The following OVCH1 variants were observed in gnomAD, a reference collection of about 807,000 sequenced individuals.
The protein encoded by OVCH1 is ovochymase 1.
OVCH1 carries 139 observed loss-of-function variants against 138.4 expected under a neutral mutation model. That is an observed-to-expected ratio of 1.00 (90% CI 0.87 to 1.16). The LOEUF is 1.16. OVCH1 is among the 50% of genes most tolerant of loss of function. The pLI is 0.00. For missense variants in OVCH1, 1,367 were observed against 1,357.9 expected (o/e 1.01, Z -0.11); for synonymous variants, 453 against 467.8 (o/e 0.97, Z 0.41).
chr12:29,457,999 A>G (rs1171547411), intron 19 of OVCH1, among the ~76,000 whole-genome samples: 2 of 152,214 alleles, frequency 1.3e-5, no homozygotes, highest in East Asian at 3.8e-4. Context: ...AAGGCAAGAT[A>G]TGGTCAGTTG....
At chr12:29,491,416 C>T (rs756051248) in intron 4 of OVCH1, among the ~76,000 whole-genome samples, 12 of 152,102 alleles carry the variant, frequency 7.9e-5, no homozygotes, top group African/African-American at 2.4e-4. Flanking sequence ...CCAATTGTTC[C>T]GCACACCACG....
intron 18 of OVCH1, 65 bp from the exon 19 acceptor site, chr12:29,462,073 A>G (rs1310379861): frequency 6.5e-7 from 1 of 1,532,330 alleles, no homozygotes; most frequent in Non-Finnish European, 8.9e-7. Flanking sequence ...TTAGAAATGT[A>G]TTTAAGTTCA....
At chr12:29,409,397 G>T (rs989412904), downstream of OVCH1, among the ~76,000 whole-genome samples, 3 of 151,974 alleles carry the variant, frequency 2.0e-5, no homozygotes, top group Admixed American at 1.3e-4. Context: ...TAATTGTGAT[G>T]TTAGGGTGTC....
chr12:29,407,982 T>A (rs1470351532), downstream of OVCH1, among the ~76,000 whole-genome samples: 1 of 142,744 alleles, frequency 7.0e-6, no homozygotes, highest in African/African-American at 2.4e-5. Flanking sequence ...TTTTATTTCC[T>A]TGAGCAGTGG....
chr12:29,485,964 AAAATAAAATAAATAAAT>A (rs1487980672), intron 8 of OVCH1, among the ~76,000 whole-genome samples: 4 of 98,806 alleles, frequency 4.0e-5, no homozygotes, highest in African/African-American at 1.2e-4. Context: ...AAAATAAAAT[AAAATAAAATAAATAAAT>A]AAATAAATAA....
intron 6 of OVCH1, 137 bp from the exon 7 acceptor site, chr12:29,488,019 C>G (rs1943162278): frequency 1.2e-6 from 1 of 810,572 alleles, no homozygotes; most frequent in Admixed American, 3.2e-5. Flanking sequence ...CGTCCATCAG[C>G]TTTTTGTTTA....
chr12:29,422,491 C>T lies in OVCH1; in HGVS notation c.*71+636G>A, dbSNP rs541015113. Among the ~76,000 whole-genome samples, 18 of 152,204 alleles carry T rather than the reference C, an allele frequency of 1.2e-4. No homozygotes were observed. In the South Asian group the frequency reaches 3.5e-3, roughly 30 times the overall value. ...ATTACACTCTAATCAAGAGGACCTC[C>T]TACTAACAAATTAATTAGGTTTTTA... On this transcript the variant is annotated intron_variant and NMD_transcript_variant, in intron 3 of 4. Transcript: ENST00000539117.
rs1555140775 is a variant in OVCH1, at chr12:29,417,789, G to GTGTC, written c.*72-5065_*72-5064insGACA. On this transcript the variant is annotated intron_variant and NMD_transcript_variant, in intron 3 of 4. Transcript: ENST00000539117. ...TGTGTGTGTGTGTGTGTGTGTGTGT[G>GTGTC]TGTGTCTGTGTCTGTGTGTGTTTTA... 2.5e-3 allele frequency among the ~76,000 whole-genome samples: 381 copies of GTGTC among 150,248 alleles called. 1 individual carries two copies. The highest frequency in any genetic ancestry group is 6.9e-3 in the Middle Eastern group (2 of 290).
intron 13 of OVCH1, among the ~76,000 whole-genome samples, chr12:29,475,605 T>C (rs770272493): frequency 1.9e-4 from 29 of 152,178 alleles, no homozygotes; most frequent in Non-Finnish European, 4.0e-4. Flanking sequence ...TGCAGAATTA[T>C]GGCATTGTGC....
downstream of OVCH1, among the ~76,000 whole-genome samples, chr12:29,424,753 A>G (rs1391096106): frequency 6.6e-6 from 1 of 152,218 alleles, no homozygotes; most frequent in Non-Finnish European, 1.5e-5. Flanking sequence ...CTATATGGCA[A>G]GTTATTCAAT....
At chr12:29,438,653 A>G (rs1941409709) in intron 26 of OVCH1, among the ~76,000 whole-genome samples, 1 of 152,188 alleles carries the variant, frequency 6.6e-6, no homozygotes, top group Non-Finnish European at 1.5e-5. Flanking sequence ...TGAATAATAA[A>G]TCTCAAATTT....
chr12:29,441,615 A>G (rs1941486762), intron 25 of OVCH1, among the ~76,000 whole-genome samples: 1 of 152,224 alleles, frequency 6.6e-6, no homozygotes. Flanking sequence ...GCCAAAATTG[A>G]CAAATGGGAT....
chr12:29,412,239 C>T (rs1370433710), downstream of OVCH1, among the ~76,000 whole-genome samples: 3 of 152,142 alleles, frequency 2.0e-5, no homozygotes, highest in Non-Finnish European at 2.9e-5. Flanking sequence ...AAAGGGAACT[C>T]CCTGACTCCT....
intron 27 of OVCH1, among the ~76,000 whole-genome samples, chr12:29,430,624 C>T (rs1211980002): frequency 1.3e-5 from 2 of 152,170 alleles, no homozygotes; most frequent in Non-Finnish European, 2.9e-5. Context: ...TCACCCAGCT[C>T]CACACAATCC....
intron 25 of OVCH1, among the ~76,000 whole-genome samples, chr12:29,439,921 A>T (rs1450601931): frequency 6.6e-6 from 1 of 152,234 alleles, no homozygotes; most frequent in Non-Finnish European, 1.5e-5. Context: ...ATAGGGCAAG[A>T]TATGGAGACT....
chr12:29,472,930 T>C, intron 15 of OVCH1, 99 bp downstream of exon 15: 1 of 1,006,508 alleles, frequency 9.9e-7, no homozygotes, highest in Non-Finnish European at 1.5e-6. Flanking sequence ...TTCTTCACTG[T>C]GGAGTTATAG....
chr12:29,414,450 G>GT lies in OVCH1; in HGVS notation c.*72-1726dup, dbSNP rs769289387. ...CTGATGAACATTTAGACTATTTTCT[G>GT]TTTTTTGCTTAAGAGCTGCAGCAAG... On this transcript the variant is annotated intron_variant and NMD_transcript_variant, in intron 3 of 4. Transcript: ENST00000539117. Among the ~76,000 whole-genome samples the GT allele has an allele frequency of 1.5e-4, 23 of 152,062 alleles. 1 individual carries two copies. The highest frequency in any genetic ancestry group is 2.5e-4 in the Non-Finnish European group (17 of 68,022).
At chr12:29,483,210 T>C (rs1197765591) in intron 8 of OVCH1, among the ~76,000 whole-genome samples, 1 of 152,140 alleles carries the variant, frequency 6.6e-6, no homozygotes, top group African/African-American at 2.4e-5. Context: ...AAATTCTGGC[T>C]TATCAATCTC....
chr12:29,464,349 C>A, intron 18 of OVCH1, 158 bp downstream of exon 18: 1 of 858,688 alleles, frequency 1.2e-6, no homozygotes. Flanking sequence ...ATAGCTCATT[C>A]TCTATTTACT....
Sources: gnomAD v4.1 joint callset for allele counts (sites outside exome capture counted in the v4.1 genomes callset) on GRCh38, gnomAD v4.1.1 for gene constraint, MANE v1.5 for transcripts, NCBI Gene and HGNC (gene_info 2026-07-23, HGNC 2026-07-21) for gene names.